DEPDC1: variants seen among roughly 807,000 people sequenced by gnomAD.
The protein encoded by DEPDC1 is DEP domain-containing protein 1A.
A neutral mutation model predicts 86.8 loss-of-function variants in DEPDC1; 66 were observed. The ratio of observed to expected loss-of-function variants is 0.76; its 90% confidence interval spans 0.62 to 0.93. The LOEUF (loss-of-function observed/expected upper bound fraction) is 0.93. Ranked by LOEUF, DEPDC1 falls within the 40% of genes least tolerant of loss-of-function variation. The pLI is 0.00. For missense variants in DEPDC1, 792 were observed against 935.7 expected (o/e 0.85, Z 2.00); for synonymous variants, 255 against 314.9 (o/e 0.81, Z 2.02).
At chr1:68,488,654 T>A in intron 4 of DEPDC1, 150 bp from the exon 5 acceptor site, 1 of 710,900 alleles carries the variant, frequency 1.4e-6, no homozygotes, top group Non-Finnish European at 2.3e-6. Flanking sequence ...TACATTTATC[T>A]CAATAATCTT....
At chr1:68,479,600 C>T (rs574690591) in intron 9 of DEPDC1, among the ~76,000 whole-genome samples, 3 of 151,822 alleles carry the variant, frequency 2.0e-5, no homozygotes, top group South Asian at 2.1e-4. Context: ...GCAAGGAGTT[C>T]GAAGCCAGCC....
chr1:68,479,068 T>A (rs906138422), intron 10 of DEPDC1, 76 bp downstream of exon 10: 4 of 1,313,126 alleles, frequency 3.0e-6, no homozygotes, highest in Non-Finnish European at 4.2e-6. Context: ...TCTCCCTTTT[T>A]GATTAAGCTA....
chr1:68,484,622 G>A lies in DEPDC1; in HGVS notation c.770-532C>T, dbSNP rs59353617. 9.8e-3 allele frequency among the ~76,000 whole-genome samples: 1,489 copies of A among 151,978 alleles called. 24 individuals carry two copies. Among genetic ancestry groups the A allele is most frequent in the African/African-American group, 0.034 (1,418 of 41,476 alleles). ...AGATCTGATCTCATTTTATAGATAA[G>A]AAAACTGAGGCTGAGAGTACCTTGC... On this transcript the variant is annotated intron_variant, in intron 6 of 11. Transcript: ENST00000456315.
chr1:68,479,169 T>C lies in DEPDC1; in HGVS notation c.2087A>G (p.His696Arg). The C allele has an allele frequency of 6.2e-7, 1 of 1,610,466 alleles. No individual in the cohort carries two copies. Among genetic ancestry groups the C allele is most frequent in the Non-Finnish European group, 8.5e-7 (1 of 1,178,776 alleles). ...PSYLQTAVEK[H>R]LDYLKKGHIE... ...ATGTCCCTTTTTTAAGTAGTCAAGA[T>C]GTTTTTCCACTGCAGTCTGTAAGTA... Residue 696 changes from histidine (H) to arginine (R), a missense_variant, in exon 10 of 12, where the codon CAT becomes CGT. By Grantham distance (29) the His-to-Arg change is conservative (BLOSUM62 0). Transcript: ENST00000456315.
In DEPDC1 at chr1:68,496,079, G is replaced by C. The variant is rs1646262738; in HGVS notation, c.48+873C>G. 6.6e-6 allele frequency among the ~76,000 whole-genome samples: 1 copy of C among 152,140 alleles called. No individual in the cohort carries two copies. The highest frequency in any genetic ancestry group is 6.5e-5 in the Admixed American group (1 of 15,286). On this transcript the variant is annotated intron_variant, in intron 1 of 11. Transcript: ENST00000456315. This position sits in a 1 kb window ranked among gnomAD's most constrained non-coding sequence, Gnocchi z 4.0. ...AATTCTAGCTCTGCCACTTGCTGTT[G>C]ATGTGACTCTAGAGGGCATTTAACG...
chr1:68,489,262 C>T (rs6669928), intron 3 of DEPDC1, among the ~76,000 whole-genome samples, 190 bp downstream of exon 3: 54,100 of 151,654 alleles, frequency 0.36, 10,311 homozygotes, highest in Middle Eastern at 0.63. Context: ...TCAATTATGT[C>T]TCACTATCAT....
intron 6 of DEPDC1, among the ~76,000 whole-genome samples, chr1:68,485,949 T>C (rs1248419849): frequency 6.6e-6 from 1 of 152,168 alleles, no homozygotes; most frequent in Non-Finnish European, 1.5e-5. Context: ...AAACATAATT[T>C]AGCTTTTGAT....
chr1:68,477,646 A>G lies in DEPDC1; in HGVS notation c.2298+141T>C, dbSNP rs945001754. 31 of 483,896 alleles carry G rather than the reference A, an allele frequency of 6.4e-5. No individual in the cohort carries two copies. The East Asian group carries it at 1.1e-3, about 17-fold the overall frequency. The allele number at this position is 483,896 out of a possible 1,614,324, so 30.0% of individuals were successfully genotyped here. A position where few individuals can be genotyped will look rare whatever the true frequency, so the allele number is the denominator to read the frequency against. ...TTTTAGGTTAACGCACATATACAAG[A>G]CATCATAATATATAGTCTATATAAC... On this transcript the variant is annotated intron_variant, in intron 11 of 11. Coordinates refer to ENST00000456315, the MANE Select transcript of DEPDC1 (RefSeq NM_001114120.3).
Position 68,489,622 on chromosome 1 carries a change from A to C in DEPDC1, c.315-14T>G, listed in dbSNP as rs1167635167. The C allele has an allele frequency of 6.6e-7, 1 of 1,521,162 alleles. No individual in the cohort carries two copies. Among genetic ancestry groups the C allele is most frequent in the African/African-American group, 1.5e-5 (1 of 68,664 alleles). 94.2% of individuals were successfully genotyped at this position (1,521,162 alleles called of 1,614,324 possible). On this transcript the variant is annotated splice_polypyrimidine_tract_variant and intron_variant, in intron 2 of 11. Coordinates refer to ENST00000456315, the MANE Select transcript of DEPDC1 (RefSeq NM_001114120.3). The stretch of plus-strand genomic sequence containing the variant: ...GTTGCAGGAAATCTGGTTTAAAAAC[A>C]ATAAGCAATTAAATAATGTGAGATT...
chr1:68,481,553 A>G lies in DEPDC1; in HGVS notation c.1822T>C (p.Leu608=). 2 of 1,612,058 alleles carry G rather than the reference A, an allele frequency of 1.2e-6. No individual in the cohort carries two copies. The highest frequency in any genetic ancestry group is 4.5e-5 in the East Asian group (2 of 44,814). The change falls in exon 9 of 12, where the codon TTA becomes CTA. Residue 608 remains leucine (L), a synonymous_variant. Coordinates refer to ENST00000456315, the MANE Select transcript of DEPDC1 (RefSeq NM_001114120.3). ...AIDALQLCCL[L]LPPPNRRKLQ... ...TTTCTACGATTTGGTGGGGGAAGTA[A>G]CAAACAACATAACTGTAGAGCATCG...
chr1:68,494,784 T>C, intron 1 of DEPDC1, 89 bp from the exon 2 acceptor site: 1 of 1,022,584 alleles, frequency 9.8e-7, no homozygotes, highest in Non-Finnish European at 1.4e-6. Flanking sequence ...GAAAATTCTT[T>C]AATTCACATC....
chr1:68,482,039 G>A lies in DEPDC1; in HGVS notation c.1762+7C>T, dbSNP rs1387935700. Reference sequence around the variant, plus strand: ...AATATTGCATGCATTGAAAGCAACAGCCTTACTTTGTGTGCCAGTCAACAT... The same window carrying A: ...AATATTGCATGCATTGAAAGCAACAACCTTACTTTGTGTGCCAGTCAACAT... On this transcript the variant is annotated splice_region_variant and intron_variant, in intron 8 of 11. Coordinates refer to ENST00000456315, the MANE Select transcript of DEPDC1 (RefSeq NM_001114120.3). 1 of 1,572,484 alleles carries A rather than the reference G, an allele frequency of 6.4e-7. No individual in the cohort carries two copies. Among genetic ancestry groups the A allele is most frequent in the Non-Finnish European group, 8.6e-7 (1 of 1,163,452 alleles).
Position 68,486,881 on chromosome 1 carries a change from A to AACACAC in DEPDC1, c.769+50_769+55dup, listed in dbSNP as rs55915411. On this transcript the variant is annotated intron_variant, in intron 6 of 11. Coordinates refer to ENST00000456315, the MANE Select transcript of DEPDC1 (RefSeq NM_001114120.3). ...GGTTCTTGTTAAATACTATCAATATAACACACACACACACACACACACACA... is the reference window on the plus strand; with the variant it reads ...GGTTCTTGTTAAATACTATCAATATAACACACACACACACACACACACACACACACA... 6.5e-4 allele frequency: 769 copies of AACACAC among 1,177,150 alleles called. 3 individuals are homozygous for AACACAC. The highest frequency in any genetic ancestry group is 1.3e-3 in the African/African-American group (78 of 61,532). The allele number at this position is 1,177,150 out of a possible 1,614,324, so 72.9% of individuals were successfully genotyped here.
chr1:68,494,296 GAACT>G (rs549865511), intron 2 of DEPDC1, 130 bp downstream of exon 2: 47 of 826,948 alleles, frequency 5.7e-5, no homozygotes, highest in Admixed American at 4.2e-4. Context: ...GATTTTAGTT[GAACT>G]AACAGCATTA....
Position 68,474,288 on chromosome 1 carries a change from CAGTT to C in DEPDC1, c.*2640_*2643del, listed in dbSNP as rs1465146791. The C allele has an allele frequency of 3.3e-5, 5 of 152,186 alleles. No homozygotes were observed. Among genetic ancestry groups the C allele is most frequent in the African/African-American group, 4.8e-5 (2 of 41,550 alleles). The allele number at this position is 152,186 out of a possible 1,614,324, so 9.4% of individuals were successfully genotyped here. The stretch of plus-strand genomic sequence containing the variant: ...CCTTTCTTTCACTACAATCACAACT[CAGTT>C]AGGTAGATACTTTAATTCACATTTT... On this transcript the variant is annotated 3_prime_UTR_variant, in exon 12 of 12. Transcript: ENST00000456315.
chr1:68,476,160 TTA>T lies in DEPDC1; in HGVS notation c.*770_*771del, dbSNP rs1557614432. On this transcript the variant is annotated 3_prime_UTR_variant, in exon 12 of 12. Coordinates refer to ENST00000456315, the MANE Select transcript of DEPDC1 (RefSeq NM_001114120.3). Reference sequence around the variant, plus strand: ...AAAAATAAATACCTTATGGAAGAGATTATATGTTTTATTTATCATTGTCTCTG... The same window carrying T: ...AAAAATAAATACCTTATGGAAGAGATTATGTTTTATTTATCATTGTCTCTG... The T allele has an allele frequency of 2.6e-5, 4 of 151,838 alleles. No individual in the cohort carries two copies. The South Asian group carries it at 8.3e-4, about 31-fold the overall frequency. The allele number at this position is 151,838 out of a possible 1,614,324, so 9.4% of individuals were successfully genotyped here.
rs892811026 is a variant in DEPDC1, at chr1:68,477,898, C to A, written c.2187G>T (p.Glu729Asp). ...YSYCKQISAQEFDEQKVSTSQ... is the reference protein window; with the variant it reads ...YSYCKQISAQDFDEQKVSTSQ... ...AGGTAGAAACTTTTTGCTCATCAAA[C>A]TCCTGAGCACTAATCTGCTTACAGT... Residue 729 changes from glutamate (E) to aspartate (D), a missense_variant, in exon 11 of 12, where the codon GAG becomes GAT. Transcript: ENST00000456315. 2 of 1,587,360 alleles carry A rather than the reference C, an allele frequency of 1.3e-6. No individual in the cohort carries two copies. The highest frequency in any genetic ancestry group is 3.4e-4 in the Middle Eastern group (2 of 5,966).
At chr1:68,490,286 A>G (rs1646220966) in intron 2 of DEPDC1, among the ~76,000 whole-genome samples, 2 of 152,070 alleles carry the variant, frequency 1.3e-5, no homozygotes, top group Admixed American at 6.6e-5. Flanking sequence ...CCATTGTCCA[A>G]TAGGCCCCAG....
chr1:68,476,784 T>C lies in DEPDC1; in HGVS notation c.*148A>G, dbSNP rs1443768416. 7 of 625,034 alleles carry C rather than the reference T, an allele frequency of 1.1e-5. No individual in the cohort carries two copies. In the East Asian group the frequency reaches 1.2e-4, roughly 11 times the overall value. 38.7% of individuals were successfully genotyped at this position (625,034 alleles called of 1,614,324 possible). A position where few individuals can be genotyped will look rare whatever the true frequency, so the allele number is the denominator to read the frequency against. The stretch of plus-strand genomic sequence containing the variant: ...TAGTTAGTTTCCTAAGAGTCTCACA[T>C]TGATAACTATTTTGGCACTTCCTTA... On this transcript the variant is annotated 3_prime_UTR_variant, in exon 12 of 12. Transcript: ENST00000456315.
Sources: allele counts gnomAD v4.1 joint callset (sites outside exome capture counted in the v4.1 genomes callset), GRCh38; gene constraint gnomAD v4.1.1; non-coding constraint Gnocchi (gnomAD v3.1); transcripts MANE v1.5; gene names NCBI Gene and HGNC (gene_info 2026-07-23, HGNC 2026-07-21).